THY1: variants seen among roughly 807,000 people sequenced by gnomAD.
The protein encoded by THY1 is thy-1 membrane glycoprotein.
THY1 carries 10 observed loss-of-function variants against 14.9 expected under a neutral mutation model. The ratio of observed to expected loss-of-function variants is 0.67; its 90% CI spans 0.41 to 1.14. THY1 has a LOEUF of 1.14. Ranked by LOEUF, THY1 falls within the 50% of genes most tolerant of loss-of-function variation. THY1 has a pLI of 0.00. For synonymous variants in THY1, 80 were observed against 90.0 expected (o/e 0.89, Z 0.63); for missense variants, 159 against 202.1 (o/e 0.79, Z 1.29).
chr11:119,423,358 C>T, upstream of THY1: 1 of 369,564 alleles, frequency 2.7e-6, no homozygotes, highest in Admixed American at 3.2e-5. Context: ...CGGAAGGGGG[C>T]CCTCACCCTG....
At position 119,417,259 on chromosome 11, in the gene THY1, T is replaced by G. The variant is rs1471326385; in HGVS notation, c.*2149A>C. 6.6e-6 allele frequency: 1 copy of G among 152,264 alleles called. No individual in the cohort carries two copies. The highest frequency in any genetic ancestry group is 1.5e-5 in the Non-Finnish European group (1 of 68,170). The allele number at this position is 152,264 out of a possible 1,614,324, so 9.4% of individuals were successfully genotyped here. The stretch of plus-strand genomic sequence containing the variant: ...GGGCTGGCAGCATCTTGCTAAGGGG[T>G]TGTCAGCCTCCCAACCTGGGACAAG... On this transcript the variant is annotated 3_prime_UTR_variant, in exon 4 of 4. Transcript: ENST00000284240.
At position 119,418,540 on chromosome 11, in the gene THY1, C is replaced by G. The variant is rs1399615725; in HGVS notation, c.*868G>C. The G allele has an allele frequency of 6.6e-6, 1 of 152,320 alleles. No individual in the cohort carries two copies. Among genetic ancestry groups the G allele is most frequent in the African/African-American group, 2.4e-5 (1 of 41,458 alleles). 9.4% of individuals were successfully genotyped at this position (152,320 alleles called of 1,614,324 possible). On this transcript the variant is annotated 3_prime_UTR_variant, in exon 4 of 4. Transcript: ENST00000284240. ...CCCACCTGACTTGGAGGCTGTGGGT[C>G]AGAGCTCTGGAAGCTCTTGGGAGCT...
rs1591356152 is a variant in THY1 at position 119,416,288 on chromosome 11, T to C, written c.*3120A>G. ...GGCGAGGGAGTGGATGGGGATGGGG[T>C]TGGGGCATGTGTACAGGAACCAGGG... On this transcript the variant is annotated 3_prime_UTR_variant, in exon 4 of 4. Transcript: ENST00000284240. Among the ~76,000 whole-genome samples, 1 of 151,472 alleles carries C rather than the reference T, an allele frequency of 6.6e-6. No homozygotes were observed. Among genetic ancestry groups the C allele is most frequent in the Non-Finnish European group, 1.5e-5 (1 of 67,856 alleles).
At chr11:119,420,779 G>C in intron 2 of THY1, 90 bp downstream of exon 2, 1 of 1,496,174 alleles carries the variant, frequency 6.7e-7, no homozygotes. Flanking sequence ...TGTCACCTGC[G>C]CTTTTCTGAG....
chr11:119,422,116 C>G lies in THY1; in HGVS notation c.-25+997G>C, dbSNP rs1245550082. On this transcript the variant is annotated intron_variant, in intron 1 of 3. Transcript: ENST00000284240. The surrounding 1 kb of genome is among the most constrained non-coding windows in gnomAD (Gnocchi z 7.0). ...AGTGCGCCCGGGTGCGCAGGGCGCA[C>G]CACTAGACGAGTTCAGGGTCCCTGG... is the stretch of plus-strand genomic sequence containing the variant. 1 of 152,314 alleles carries G rather than the reference C, an allele frequency of 6.6e-6. No homozygotes were observed. Among genetic ancestry groups the G allele is most frequent in the Non-Finnish European group, 1.5e-5 (1 of 68,094 alleles). The allele number at this position is 152,314 out of a possible 1,614,324, so 9.4% of individuals were successfully genotyped here. A position where few individuals can be genotyped will look rare whatever the true frequency, so the allele number is the denominator to read the frequency against.
chr11:119,416,033 A>G lies in THY1; in HGVS notation c.*3375T>C, dbSNP rs1000713679. Among the ~76,000 whole-genome samples the G allele has an allele frequency of 6.6e-6, 1 of 152,150 alleles. No individual in the cohort carries two copies. Among genetic ancestry groups the G allele is most frequent in the Non-Finnish European group, 1.5e-5 (1 of 68,034 alleles). On this transcript the variant is annotated 3_prime_UTR_variant, in exon 4 of 4. Transcript: ENST00000284240. ...TGTCACAGGTCCCCGGACGCTGTGT[A>G]GATTTCTTGGTTGGCCAGTGAAAGT...
At position 119,417,806 on chromosome 11, in the gene THY1, G is replaced by C. The variant is rs1159914262; in HGVS notation, c.*1602C>G. The stretch of plus-strand genomic sequence containing the variant: ...TGTGCCTGGAGGGTACATTTCTGAA[G>C]AACTACCAGAGCTGAGAAGAAAAAG... On this transcript the variant is annotated 3_prime_UTR_variant, in exon 4 of 4. Coordinates refer to ENST00000284240, the MANE Select transcript of THY1 (RefSeq NM_006288.5). 1 of 152,086 alleles carries C rather than the reference G, an allele frequency of 6.6e-6. No individual in the cohort carries two copies. Among genetic ancestry groups the C allele is most frequent in the Non-Finnish European group, 1.5e-5 (1 of 67,966 alleles). 9.4% of individuals were successfully genotyped at this position (152,086 alleles called of 1,614,324 possible). A position where few individuals can be genotyped will look rare whatever the true frequency, so the allele number is the denominator to read the frequency against.
chr11:119,420,711 C>T (rs760652615), intron 2 of THY1, 158 bp downstream of exon 2: 43 of 919,258 alleles, frequency 4.7e-5, no homozygotes, highest in African/African-American at 3.2e-4. Flanking sequence ...CACCTCAGGC[C>T]GTCAGAATAT....
chr11:119,424,190 A>G (rs17122908), upstream of THY1: 4,781 of 152,364 alleles, frequency 0.031, 234 homozygotes, highest in African/African-American at 0.11. Context: ...GACTGAGTCG[A>G]GGCCAACTCC....
intron 2 of THY1, chr11:119,420,654 A>G (rs1861881826): frequency 3.0e-6 from 2 of 664,520 alleles, no homozygotes; most frequent in Admixed American, 2.8e-5. Flanking sequence ...TGGGGATTCT[A>G]GTTCAATAGT....
chr11:119,419,209 G>T lies in THY1; in HGVS notation c.*199C>A, dbSNP rs112225059. On this transcript the variant is annotated 3_prime_UTR_variant, in exon 4 of 4. Coordinates refer to ENST00000284240, the MANE Select transcript of THY1 (RefSeq NM_006288.5). The stretch of plus-strand genomic sequence containing the variant: ...AACAAAAAGTACAAAAAGACAGCCA[G>T]AGGTGTGCGGAGAGGGTGAGGTGGC... 2 of 647,016 alleles carry T rather than the reference G, an allele frequency of 3.1e-6. No homozygotes were observed. The highest frequency in any genetic ancestry group is 3.6e-5 in the African/African-American group (2 of 55,784). 40.1% of individuals were successfully genotyped at this position (647,016 alleles called of 1,614,324 possible). A position where few individuals can be genotyped will look rare whatever the true frequency, so the allele number is the denominator to read the frequency against.
Position 119,416,473 on chromosome 11 carries a change from A to ATT in THY1, c.*2933_*2934dup, listed in dbSNP as rs549193693. ...CAGCATGGTCATTCCGGGTAGGTTT[A>ATT]TTTTATTTTTTATTTTTTTGAGATG... On this transcript the variant is annotated 3_prime_UTR_variant, in exon 4 of 4. Coordinates refer to ENST00000284240, the MANE Select transcript of THY1 (RefSeq NM_006288.5). Among the ~76,000 whole-genome samples the ATT allele has an allele frequency of 6.8e-3, 1,034 of 151,996 alleles. 7 individuals are homozygous for ATT. The highest frequency in any genetic ancestry group is 0.022 in the African/African-American group (919 of 41,472).
At chr11:119,423,072 G>T (rs1861943498) in intron 1 of THY1, 41 bp downstream of exon 1, 4 of 455,958 alleles carry the variant, frequency 8.8e-6, no homozygotes, top group Non-Finnish European at 1.8e-5. Context: ...GCGCCTGACG[G>T]CGGTCCCCGA....
rs775117355 is a variant in THY1 at position 119,423,141 on chromosome 11, C to T, written c.-53G>A. 6.6e-6 allele frequency: 3 copies of T among 455,960 alleles called. No individual in the cohort carries two copies. In the Admixed American group the frequency reaches 7.0e-5, roughly 11 times the overall value. The allele number at this position is 455,960 out of a possible 1,614,324, so 28.2% of individuals were successfully genotyped here. ...GACTGGGGTCTTCCGCTGCTGCAGC[C>T]TCCTCCAGACGCGCCGCCGCCTCCG... On this transcript the variant is annotated 5_prime_UTR_variant, in exon 1 of 4. Coordinates refer to ENST00000284240, the MANE Select transcript of THY1 (RefSeq NM_006288.5).
rs1444827398 is a variant in THY1, at chr11:119,419,254, A to G, written c.*154T>C. ...GGTGGCCGCGTGGACGTGGGTAGAT[A>G]ATCGCATGCAGCACTGGAACTCCTG... On this transcript the variant is annotated 3_prime_UTR_variant, in exon 4 of 4. Transcript: ENST00000284240. The G allele has an allele frequency of 1.8e-5, 13 of 724,378 alleles. No homozygotes were observed. Among genetic ancestry groups the G allele is most frequent in the Non-Finnish European group, 3.3e-5 (13 of 395,532 alleles). The allele number at this position is 724,378 out of a possible 1,614,324, so 44.9% of individuals were successfully genotyped here.
At position 119,415,871 on chromosome 11, in the gene THY1, C is replaced by T. The variant is rs887686025; in HGVS notation, c.*3537G>A. ...CAGGACTCTCTGAAGGACTCCAGCT[C>T]CAACATTTTCTCACTAGTAAATGAG... On this transcript the variant is annotated 3_prime_UTR_variant, in exon 4 of 4. Transcript: ENST00000284240. Among the ~76,000 whole-genome samples the T allele has an allele frequency of 1.3e-5, 2 of 152,116 alleles. No individual in the cohort carries two copies. The highest frequency in any genetic ancestry group is 2.9e-5 in the Non-Finnish European group (2 of 68,028).
At chr11:119,420,739 T>C in intron 2 of THY1, 130 bp downstream of exon 2, 1 of 1,182,690 alleles carries the variant, frequency 8.5e-7, no homozygotes, top group Non-Finnish European at 1.2e-6. Context: ...GTGGATTGGC[T>C]GACTTCAGGA....
intron 1 of THY1, chr11:119,421,988 C>A (rs534369814): frequency 6.6e-6 from 1 of 152,256 alleles, no homozygotes; most frequent in African/African-American, 2.4e-5. Flanking sequence ...GGCGAGGCGA[C>A]GCGGAGCCGG....
rs1861791285 is a variant in THY1 at position 119,417,034 on chromosome 11, A to G, written c.*2374T>C. Among the ~76,000 whole-genome samples the G allele has an allele frequency of 6.6e-6, 1 of 152,228 alleles. No homozygotes were observed. The highest frequency in any genetic ancestry group is 1.5e-5 in the Non-Finnish European group (1 of 68,034). On this transcript the variant is annotated 3_prime_UTR_variant, in exon 4 of 4. Transcript: ENST00000284240. ...TGCGAGGCTTCACACAGTGCCGCTCATTTCCTTCCAGAAATACCTCCATAC... is the reference window on the plus strand; with the variant it reads ...TGCGAGGCTTCACACAGTGCCGCTCGTTTCCTTCCAGAAATACCTCCATAC...
Sources: gnomAD v4.1 joint callset for allele counts (sites outside exome capture counted in the v4.1 genomes callset) on GRCh38, gnomAD v4.1.1 for gene constraint, Gnocchi (gnomAD v3.1) non-coding constraint, MANE v1.5 for transcripts, NCBI Gene and HGNC (gene_info 2026-07-23, HGNC 2026-07-21) for gene names.